Variants in CNTNAP5 observed in about 807,000 individuals in gnomAD.
CNTNAP5 encodes the protein contactin associated protein family member 5.
In CNTNAP5, 72 loss-of-function variants were observed where a neutral mutation model predicts 150.2. That is an observed-to-expected ratio of 0.48 (90% CI 0.40 to 0.58). The LOEUF is 0.58. CNTNAP5 is among the 20% of genes least tolerant of loss of function. The pLI is 0.00. For missense variants in CNTNAP5, 1,636 were observed against 1,626.2 expected (o/e 1.01, Z -0.10); for synonymous variants, 672 against 619.8 (o/e 1.08, Z -1.25).
At chr2:124,311,907 C>A (rs77794465) in intron 3 of CNTNAP5, among the ~76,000 whole-genome samples, 4,795 of 152,240 alleles carry the variant, frequency 0.031, 196 homozygotes, top group African/African-American at 0.09. Context: ...CAGATATGAT[C>A]ATACAAACTG....
chr2:124,819,468 C>G (rs1026372427), intron 19 of CNTNAP5, among the ~76,000 whole-genome samples: 3 of 152,120 alleles, frequency 2.0e-5, no homozygotes, highest in Non-Finnish European at 4.4e-5. Flanking sequence ...CATCTGTCAT[C>G]ATAATTTCAT....
At chr2:124,792,194 G>C (rs1681749730) in intron 18 of CNTNAP5, among the ~76,000 whole-genome samples, 1 of 152,112 alleles carries the variant, frequency 6.6e-6, no homozygotes, top group South Asian at 2.1e-4. Context: ...CCAATTCCTA[G>C]GTCAGAACTG....
rs768551589 is a variant in CNTNAP5, at chr2:124,919,445, C to A, written c.*5157C>A. Among the ~76,000 whole-genome samples, 1 of 152,030 alleles carries A rather than the reference C, an allele frequency of 6.6e-6. No homozygotes were observed. The highest frequency in any genetic ancestry group is 1.5e-5 in the Non-Finnish European group (1 of 67,992). ...TACAAAATGGCTGAGCAGACATGAA[C>A]AAAGGTTAATGCAAAAGTTGGTTTT... On this transcript the variant is annotated 3_prime_UTR_variant, in exon 24 of 24. Transcript: ENST00000682447.
At chr2:124,607,207 A>G (rs1039370248) in intron 11 of CNTNAP5, among the ~76,000 whole-genome samples, 9 of 152,164 alleles carry the variant, frequency 5.9e-5, no homozygotes, top group East Asian at 1.9e-4. Context: ...ACCGTAAGCA[A>G]CTTAGCTAGG....
intron 1 of CNTNAP5, among the ~76,000 whole-genome samples, chr2:124,200,717 G>T (rs1051560226): frequency 3.3e-5 from 5 of 152,180 alleles, no homozygotes; most frequent in Admixed American, 1.3e-4. Flanking sequence ...TTTCGAAGCT[G>T]CAGGCACTTA....
intron 13 of CNTNAP5, among the ~76,000 whole-genome samples, chr2:124,731,338 AC>A (rs1680266132): frequency 6.7e-6 from 1 of 150,150 alleles, no homozygotes; most frequent in Non-Finnish European, 1.5e-5. Context: ...CTCTTTTCTC[AC>A]CTTTTTTCAC....
At chr2:124,101,936 C>T (rs764672140) in intron 1 of CNTNAP5, among the ~76,000 whole-genome samples, 15 of 152,130 alleles carry the variant, frequency 9.9e-5, no homozygotes, top group South Asian at 6.2e-4. Context: ...CAGCCGTAGC[C>T]GCCTGGTGCC....
intron 10 of CNTNAP5, among the ~76,000 whole-genome samples, chr2:124,551,226 C>T (rs1389696417): frequency 2.6e-5 from 4 of 152,074 alleles, no homozygotes; most frequent in African/African-American, 4.8e-5. Flanking sequence ...TGGGGATCAT[C>T]GCAACAATCT....
rs78373764 is a variant in CNTNAP5, at chr2:124,316,894, G to A, written c.381+74501G>A. Among the ~76,000 whole-genome samples the A allele has an allele frequency of 7.1e-3, 1,068 of 150,622 alleles. 8 individuals are homozygous for A. Among genetic ancestry groups the A allele is most frequent in the African/African-American group, 0.025 (1,010 of 40,938 alleles). On this transcript the variant is annotated intron_variant, in intron 3 of 23. Transcript: ENST00000682447. Reference sequence around the variant, plus strand: ...ATAGTGAACCTTCCTGTATGCCAAGGTCTACACTAAAAACTTGACTTTCAT... The same window carrying A: ...ATAGTGAACCTTCCTGTATGCCAAGATCTACACTAAAAACTTGACTTTCAT...
intron 1 of CNTNAP5, among the ~76,000 whole-genome samples, chr2:124,198,689 C>T (rs1244754715): frequency 2.0e-5 from 3 of 151,800 alleles, no homozygotes; most frequent in Non-Finnish European, 4.4e-5. Context: ...ATTTTAAATT[C>T]TCTGTATTTT....
intron 11 of CNTNAP5, among the ~76,000 whole-genome samples, chr2:124,592,736 T>A (rs1483713051): frequency 6.6e-6 from 1 of 151,012 alleles, no homozygotes; most frequent in Admixed American, 6.6e-5. Flanking sequence ...TTTATGTGTT[T>A]TAGATTTATT....
chr2:124,914,484 C>T lies in CNTNAP5; in HGVS notation c.*196C>T. The T allele has an allele frequency of 1.7e-6, 1 of 574,170 alleles. No individual in the cohort carries two copies. Among genetic ancestry groups the T allele is most frequent in the East Asian group, 2.9e-5 (1 of 34,070 alleles). The allele number at this position is 574,170 out of a possible 1,614,324, so 35.6% of individuals were successfully genotyped here. A position where few individuals can be genotyped will look rare whatever the true frequency, so the allele number is the denominator to read the frequency against. On this transcript the variant is annotated 3_prime_UTR_variant, in exon 24 of 24. Transcript: ENST00000682447. Reference sequence around the variant, plus strand: ...CCAGGCAGCCATGGCCACTGCCTTCCTCTCTGATGAACCTATCGGGTGAAA... The same window carrying T: ...CCAGGCAGCCATGGCCACTGCCTTCTTCTCTGATGAACCTATCGGGTGAAA...
chr2:124,857,138 C>T (rs921501579), intron 19 of CNTNAP5, among the ~76,000 whole-genome samples: 7 of 152,012 alleles, frequency 4.6e-5, no homozygotes, highest in Admixed American at 4.6e-4. Flanking sequence ...GATGGGGTGA[C>T]GAGGAAGAGA....
chr2:124,092,537 G>A (rs1682839150), intron 1 of CNTNAP5, among the ~76,000 whole-genome samples: 1 of 152,212 alleles, frequency 6.6e-6, no homozygotes, highest in Non-Finnish European at 1.5e-5. Context: ...CAAAAAGACA[G>A]ATGAGTTTAG....
intron 12 of CNTNAP5, 102 bp downstream of exon 12, chr2:124,610,022 A>G (rs1183074078): frequency 1.5e-6 from 2 of 1,322,022 alleles, no homozygotes; most frequent in Middle Eastern, 4.6e-4. Context: ...TAAAAATTTG[A>G]AAGACCAACT....
intron 8 of CNTNAP5, among the ~76,000 whole-genome samples, chr2:124,517,314 G>GTGATGGAGGGTTGTGGTGTTGA (rs1694743788): frequency 6.8e-6 from 1 of 146,930 alleles, no homozygotes; most frequent in Non-Finnish European, 1.5e-5. Flanking sequence ...GGTTGTGATG[G>GTGATGGAGGGTTGTGGTGTTGA]TGATGGAGGG....
At chr2:124,865,497 C>T in intron 20 of CNTNAP5, 61 bp downstream of exon 20, 1 of 1,485,606 alleles carries the variant, frequency 6.7e-7, no homozygotes, top group Non-Finnish European at 9.2e-7. Flanking sequence ...TCAAACTTTT[C>T]TAAGCTTCTA....
At chr2:124,366,058 G>T (rs1327394850) in intron 3 of CNTNAP5, among the ~76,000 whole-genome samples, 2 of 152,068 alleles carry the variant, frequency 1.3e-5, no homozygotes, top group Non-Finnish European at 2.9e-5. Context: ...TTTTTCTTTG[G>T]AGAGATAGTC....
intron 6 of CNTNAP5, among the ~76,000 whole-genome samples, chr2:124,466,128 CTTTG>C (rs1432961152): frequency 6.6e-6 from 1 of 151,990 alleles, no homozygotes; most frequent in Non-Finnish European, 1.5e-5. Flanking sequence ...TATTTGCCCT[CTTTG>C]TTTATTTATT....
Sources: allele counts gnomAD v4.1 joint callset (sites outside exome capture counted in the v4.1 genomes callset), GRCh38; gene constraint gnomAD v4.1.1; transcripts MANE v1.5; gene names NCBI Gene and HGNC (gene_info 2026-07-23, HGNC 2026-07-21).